Variants in HEG1 observed in about 807,000 individuals in gnomAD.
HEG1 encodes heart development protein with EGF like domains 1, also known as protein HEG homolog 1.
Under a neutral mutation model 125.6 loss-of-function variants are expected in HEG1, and 56 were observed. The observed-to-expected ratio is 0.45, with a 90% CI of 0.36 to 0.56. HEG1 has a LOEUF of 0.56. HEG1 is among the 20% of genes least tolerant of loss of function. HEG1 has a pLI of 0.00. For synonymous variants in HEG1, 644 were observed against 668.5 expected (o/e 0.96, Z 0.57); for missense variants, 1,523 against 1,670.0 (o/e 0.91, Z 1.53).
chr3:125,003,163 T>C (rs375152874), intron 9 of HEG1, among the ~76,000 whole-genome samples: 1 of 152,328 alleles, frequency 6.6e-6, no homozygotes, highest in East Asian at 1.9e-4. Context: ...CCAGGTTTGG[T>C]AAACAGAACA....
chr3:125,010,372 A>T, intron 7 of HEG1, 67 bp downstream of exon 7: 2 of 901,636 alleles, frequency 2.2e-6, no homozygotes, highest in Non-Finnish European at 3.4e-6. Context: ...TGGAGGAAAA[A>T]GGAGTTTATT....
At chr3:125,043,671 G>A (rs979901628) in intron 1 of HEG1, among the ~76,000 whole-genome samples, 5 of 152,114 alleles carry the variant, frequency 3.3e-5, no homozygotes, top group African/African-American at 1.2e-4. Context: ...GTTGAAGCTG[G>A]TAGCTCCCAG....
At chr3:124,971,067 A>G (rs1936414515) in intron 16 of HEG1, 31 of 558,782 alleles carry the variant, frequency 5.5e-5, no homozygotes, top group South Asian at 4.8e-4. Flanking sequence ...ACGACCATCT[A>G]GTTGCAGGTG....
intron 14 of HEG1, among the ~76,000 whole-genome samples, chr3:124,983,286 T>C (rs1334591167): frequency 6.6e-6 from 1 of 152,216 alleles, no homozygotes; most frequent in Non-Finnish European, 1.5e-5. Flanking sequence ...TCTCTCCATA[T>C]TTTTCCTCAC....
intron 12 of HEG1, among the ~76,000 whole-genome samples, chr3:124,995,678 A>G (rs534974905): frequency 1.0e-3 from 159 of 152,332 alleles, no homozygotes; most frequent in Non-Finnish European, 1.6e-3. Context: ...CACTCCTCAG[A>G]GGCCTGATGG....
intron 1 of HEG1, among the ~76,000 whole-genome samples, chr3:125,053,402 C>G (rs897637658): frequency 6.6e-6 from 1 of 152,102 alleles, no homozygotes; most frequent in Non-Finnish European, 1.5e-5. Context: ...TGAGCCACTA[C>G]CAGAAAAAAA....
chr3:124,993,362 T>G (rs1215173297), intron 12 of HEG1, among the ~76,000 whole-genome samples: 1 of 152,224 alleles, frequency 6.6e-6, no homozygotes, highest in Non-Finnish European at 1.5e-5. Context: ...AGAGCATAAT[T>G]GCATCCTGTT....
intron 12 of HEG1, among the ~76,000 whole-genome samples, chr3:124,995,104 G>C (rs1442297521): frequency 1.3e-5 from 2 of 152,172 alleles, no homozygotes; most frequent in Non-Finnish European, 2.9e-5. Flanking sequence ...TTTGAGACCA[G>C]ACTCGGCAAC....
intron 3 of HEG1, 68 bp downstream of exon 3, chr3:125,027,137 G>T: frequency 7.3e-7 from 1 of 1,364,516 alleles, no homozygotes; most frequent in Non-Finnish European, 9.9e-7. Context: ...TAACTAGCTG[G>T]CTATGCACAT....
chr3:124,998,926 T>C (rs1936962103), intron 11 of HEG1, among the ~76,000 whole-genome samples: 1 of 152,192 alleles, frequency 6.6e-6, no homozygotes, highest in East Asian at 1.9e-4. Flanking sequence ...GGGCCATGTA[T>C]CTATTGTGCA....
intron 14 of HEG1, among the ~76,000 whole-genome samples, chr3:124,983,346 CT>C (rs35037170): frequency 0.33 from 50,290 of 151,486 alleles, 8,809 homozygotes; most frequent in East Asian, 0.48. Flanking sequence ...ATTTTTTAAT[CT>C]TTTTTTTGAG....
intron 11 of HEG1, among the ~76,000 whole-genome samples, chr3:124,999,497 T>C (rs1487474800): frequency 6.6e-6 from 1 of 152,198 alleles, no homozygotes; most frequent in Admixed American, 6.5e-5. Flanking sequence ...CAGAGTTGCC[T>C]GGCCTGATTA....
chr3:124,969,722 G>C lies in HEG1; in HGVS notation c.*930C>G, dbSNP rs965104688. On this transcript the variant is annotated 3_prime_UTR_variant, in exon 17 of 17. Transcript: ENST00000311127. ...AGGGGCTCAACAAGCTGCTTTCCTA[G>C]AGTGGTGAAACCTGCGTTCAGTTTG... The C allele has an allele frequency of 1.3e-5, 2 of 152,210 alleles. No individual in the cohort carries two copies. The highest frequency in any genetic ancestry group is 4.8e-5 in the African/African-American group (2 of 41,422). The allele number at this position is 152,210 out of a possible 1,614,324, so 9.4% of individuals were successfully genotyped here.
chr3:125,054,911 G>A (rs1937896388), intron 1 of HEG1, among the ~76,000 whole-genome samples: 1 of 152,198 alleles, frequency 6.6e-6, no homozygotes, highest in Non-Finnish European at 1.5e-5. Context: ...GGGAGAAGAG[G>A]TCAGTTCCTT....
At chr3:125,054,208 G>A (rs1354961489) in intron 1 of HEG1, among the ~76,000 whole-genome samples, 1 of 152,260 alleles carries the variant, frequency 6.6e-6, no homozygotes, top group Non-Finnish European at 1.5e-5. Flanking sequence ...TAGCAAAACA[G>A]CGTATGCTGT....
chr3:124,990,297 C>A (rs1053501142), intron 14 of HEG1, among the ~76,000 whole-genome samples: 1 of 151,878 alleles, frequency 6.6e-6, no homozygotes, highest in African/African-American at 2.4e-5. Context: ...CTGAACAGTA[C>A]CAGTCAAGTC....
chr3:125,055,984 G>T lies in HEG1; in HGVS notation c.-94C>A. 3.1e-6 allele frequency: 2 copies of T among 651,764 alleles called. No homozygotes were observed. The highest frequency in any genetic ancestry group is 3.8e-6 in the Non-Finnish European group (2 of 526,376). The allele number at this position is 651,764 out of a possible 1,614,324, so 40.4% of individuals were successfully genotyped here. On this transcript the variant is annotated 5_prime_UTR_variant, in exon 1 of 17. Coordinates refer to ENST00000311127, the MANE Select transcript of HEG1 (RefSeq NM_020733.2). The stretch of plus-strand genomic sequence containing the variant: ...GCGGCGGGGGCCGCGCGGGGCCGGG[G>T]AAGTGAGCGGAGTGAGGCTGCGAGC...
rs1553774850 is a variant in HEG1 at position 124,969,795 on chromosome 3, C to CG, written c.*856dup. 5 of 151,972 alleles carry CG rather than the reference C, an allele frequency of 3.3e-5. No homozygotes were observed. The highest frequency in any genetic ancestry group is 9.7e-5 in the African/African-American group (4 of 41,354). The allele number at this position is 151,972 out of a possible 1,614,324, so 9.4% of individuals were successfully genotyped here. A position where few individuals can be genotyped will look rare whatever the true frequency, so the allele number is the denominator to read the frequency against. On this transcript the variant is annotated 3_prime_UTR_variant, in exon 17 of 17. Coordinates refer to ENST00000311127, the MANE Select transcript of HEG1 (RefSeq NM_020733.2). ...TGCCTCTGGCCTCCACAATGGTGAT[C>CG]GAGTCCCAGGCCCCAGGCTGGGCCC...
In HEG1 at chr3:124,997,913, G is replaced by T. The variant is rs78547202; in HGVS notation, c.3518-90C>A. On this transcript the variant is annotated intron_variant, in intron 11 of 16. Transcript: ENST00000311127. ...CCTCCACTTCAAAGCTCATGTGTCT[G>T]CATGAACTCTCTATTTCAAGAGGCT... The T allele has an allele frequency of 6.9e-4, 919 of 1,328,306 alleles. 7 individuals carry two copies. In the African/African-American group the frequency reaches 0.012, roughly 18 times the overall value. 82.3% of individuals were successfully genotyped at this position (1,328,306 alleles called of 1,614,324 possible). A position where few individuals can be genotyped will look rare whatever the true frequency, so the allele number is the denominator to read the frequency against.
Sources: gnomAD v4.1 joint callset for allele counts (sites outside exome capture counted in the v4.1 genomes callset) on GRCh38, gnomAD v4.1.1 for gene constraint, MANE v1.5 for transcripts, NCBI Gene and HGNC (gene_info 2026-07-23, HGNC 2026-07-21) for gene names.